HYDIN: variants seen among roughly 807,000 people sequenced by gnomAD.
The protein encoded by HYDIN is axonemal central pair apparatus protein HYDIN.
In HYDIN, 132 loss-of-function variants were observed where a neutral mutation model predicts 403.9. The ratio of observed to expected loss-of-function variants is 0.33; its 90% CI spans 0.28 to 0.38. The LOEUF (loss-of-function observed/expected upper bound fraction) is 0.38. Among genes scored for constraint, HYDIN ranks in the 10% least tolerant of loss-of-function variants. HYDIN has a pLI of 1.00. For missense variants in HYDIN, 2,827 were observed against 5,009.5 expected (o/e 0.56, Z 13.15); for synonymous variants, 1,202 against 1,891.7 (o/e 0.64, Z 9.46).
chr16:70,826,383 A>C (rs1336257517), intron 83 of HYDIN, among the ~76,000 whole-genome samples: 3 of 151,876 alleles, frequency 2.0e-5, no homozygotes, highest in African/African-American at 7.3e-5. Flanking sequence ...TCATTTCTAG[A>C]GTCTCTAATT....
chr16:71,034,455 C>T (rs543129046), intron 18 of HYDIN, among the ~76,000 whole-genome samples: 65 of 152,078 alleles, frequency 4.3e-4, no homozygotes, highest in South Asian at 2.3e-3. Context: ...CTTGGAATGT[C>T]ACCAAAATCC....
intron 20 of HYDIN, among the ~76,000 whole-genome samples, chr16:71,026,172 T>C (rs1479588452): frequency 2.0e-5 from 3 of 152,280 alleles, no homozygotes; most frequent in African/African-American, 7.2e-5. Context: ...AGTGCTGGGA[T>C]TACAGGCGTG....
intron 81 of HYDIN, among the ~76,000 whole-genome samples, chr16:70,829,406 G>A (rs1231454627): frequency 6.7e-6 from 1 of 150,062 alleles, no homozygotes; most frequent in Non-Finnish European, 1.5e-5. Context: ...GCTAATTTTT[G>A]TATTTTTAGT....
intron 6 of HYDIN, among the ~76,000 whole-genome samples, chr16:71,154,975 G>C (rs2085702888): frequency 6.8e-6 from 1 of 147,874 alleles, no homozygotes. Flanking sequence ...TGCTATACAA[G>C]TGTTTATTAT....
chr16:70,885,106 G>C (rs1299438887), intron 58 of HYDIN, among the ~76,000 whole-genome samples: 1 of 150,956 alleles, frequency 6.6e-6, no homozygotes. Context: ...GTGATAACTT[G>C]CTTTGCGTGA....
intron 53 of HYDIN, among the ~76,000 whole-genome samples, chr16:70,900,749 ATTT>A (rs1221562140): frequency 6.6e-6 from 1 of 150,844 alleles, no homozygotes; most frequent in Non-Finnish European, 1.5e-5. Flanking sequence ...TCATTCATTC[ATTT>A]ATTTGTTCCT....
intron 13 of HYDIN, among the ~76,000 whole-genome samples, chr16:71,076,471 G>A (rs988014300): frequency 1.7e-5 from 2 of 119,424 alleles, no homozygotes; most frequent in Non-Finnish European, 3.2e-5. Flanking sequence ...ATAGCTAGAT[G>A]AGGCACCCCC....
intron 55 of HYDIN, among the ~76,000 whole-genome samples, chr16:70,892,838 T>C: frequency 6.6e-6 from 1 of 152,240 alleles, no homozygotes; most frequent in Non-Finnish European, 1.5e-5. Context: ...TAATTCTCTC[T>C]TTCTCTGTTT....
intron 23 of HYDIN, among the ~76,000 whole-genome samples, chr16:70,994,017 A>G (rs757970526): frequency 2.5e-4 from 38 of 152,070 alleles, no homozygotes; most frequent in Non-Finnish European, 5.0e-4. Flanking sequence ...TATCTAGCAT[A>G]TTTAGAAAAA....
In HYDIN at chr16:70,879,469, C is replaced by G. The variant is rs754107193; in HGVS notation, c.10385G>C (p.Arg3462Pro). 6.2e-7 allele frequency: 1 copy of G among 1,613,396 alleles called. No individual in the cohort carries two copies. The highest frequency in any genetic ancestry group is 8.5e-7 in the Non-Finnish European group (1 of 1,179,722). The change falls in exon 62 of 86, where the codon CGA (arginine) becomes CCA (proline). Residue 3462 changes from arginine (R) to proline (P), a missense_variant. Physicochemically the swap from Arg to Pro is moderately radical, Grantham distance 103. Coordinates refer to ENST00000393567, the MANE Select transcript of HYDIN (RefSeq NM_001270974.2). ...DGLPSTLAKS[R>P]GLVFDIAGEG... Reference sequence around the variant, plus strand: ...ACCAGCGATGTCAAACACGAGGCCTCGGCTCTTGGCCAGGGTGCTGTAGGG... The same window carrying G: ...ACCAGCGATGTCAAACACGAGGCCTGGGCTCTTGGCCAGGGTGCTGTAGGG...
chr16:71,196,378 G>A (rs990734844), intron 1 of HYDIN, among the ~76,000 whole-genome samples: 6 of 152,114 alleles, frequency 3.9e-5, no homozygotes, highest in Non-Finnish European at 5.9e-5. Flanking sequence ...AAAGTTGGAG[G>A]AAGGGAGGAT....
chr16:71,200,865 T>C (rs376742538), intron 1 of HYDIN, among the ~76,000 whole-genome samples: 4 of 152,264 alleles, frequency 2.6e-5, no homozygotes, highest in African/African-American at 9.6e-5. Context: ...AAAGTACTTA[T>C]CTCTGAAACA....
intron 1 of HYDIN, among the ~76,000 whole-genome samples, chr16:71,220,486 T>A (rs1305234870): frequency 6.6e-6 from 1 of 152,224 alleles, no homozygotes; most frequent in Non-Finnish European, 1.5e-5. Flanking sequence ...TCTTTAGATA[T>A]AATATAGAAT....
At position 71,220,025 on chromosome 16, in the gene HYDIN, T is replaced by G. The variant is rs147027553; in HGVS notation, c.-24+10537A>C. ...ATCCCAAACCAGTGCTCTTTAACCT[T>G]TGTGGTCCAGGTCCTACTGGAAATC... On this transcript the variant is annotated intron_variant, in intron 1 of 85. Transcript: ENST00000393567. Among the ~76,000 whole-genome samples, 25 of 152,256 alleles carry G rather than the reference T, an allele frequency of 1.6e-4. No individual in the cohort carries two copies. In the East Asian group the frequency reaches 3.9e-3, roughly 24 times the overall value.
intron 23 of HYDIN, among the ~76,000 whole-genome samples, chr16:71,013,276 G>C (rs569726019): frequency 6.6e-6 from 1 of 152,242 alleles, no homozygotes; most frequent in East Asian, 1.9e-4. Context: ...GGCAGGGACA[G>C]CTAGGTGGGG....
intron 45 of HYDIN, among the ~76,000 whole-genome samples, chr16:70,932,608 T>A (rs2077378271): frequency 6.6e-6 from 1 of 152,222 alleles, no homozygotes; most frequent in African/African-American, 2.4e-5. Flanking sequence ...TTGTTGGTTT[T>A]CGTTTGTTTG....
intron 47 of HYDIN, among the ~76,000 whole-genome samples, chr16:70,911,931 G>C (rs1020723925): frequency 2.0e-5 from 3 of 150,740 alleles, no homozygotes; most frequent in African/African-American, 7.5e-5. Context: ...TTGGTGTATA[G>C]AAGAGCTACT....
intron 23 of HYDIN, among the ~76,000 whole-genome samples, chr16:71,009,221 A>C (rs1444850725): frequency 7.6e-6 from 1 of 130,946 alleles, no homozygotes; most frequent in East Asian, 2.3e-4. Context: ...ATGTGCATAT[A>C]GGACCCGACT....
At chr16:71,188,938 A>C (rs7188914) in intron 1 of HYDIN, among the ~76,000 whole-genome samples, 7,423 of 152,228 alleles carry the variant, frequency 0.049, 612 homozygotes, top group African/African-American at 0.17. Flanking sequence ...TAATACAACA[A>C]AGCTAGAAAC....
Sources: gnomAD v4.1 joint callset for allele counts (sites outside exome capture counted in the v4.1 genomes callset) on GRCh38, gnomAD v4.1.1 for gene constraint, MANE v1.5 for transcripts, NCBI Gene and HGNC (gene_info 2026-07-23, HGNC 2026-07-21) for gene names.